Variants in SNTG1 observed in about 807,000 individuals in gnomAD.
The protein encoded by SNTG1 is syntrophin gamma 1.
In SNTG1, 39 loss-of-function variants were observed where a neutral mutation model predicts 74.7. The ratio of observed to expected loss-of-function variants is 0.52; its 90% CI spans 0.40 to 0.68. The LOEUF (loss-of-function observed/expected upper bound fraction) is 0.68. Ranked by LOEUF, SNTG1 falls within the 30% of genes least tolerant of loss-of-function variation. The pLI, the probability that SNTG1 is intolerant of heterozygous loss-of-function variation, is 0.00. For synonymous variants in SNTG1, 254 were observed against 217.1 expected, an observed-to-expected ratio of 1.17 and a Z score of -1.49; for missense variants, 685 against 609.5, an observed-to-expected ratio of 1.12 and a Z score of -1.30.
At chr8:50,605,905 A>G (rs1462209468) in intron 13 of SNTG1, among the ~76,000 whole-genome samples, 1 of 152,128 alleles carries the variant, frequency 6.6e-6, no homozygotes, top group African/African-American at 2.4e-5. Flanking sequence ...CCTTGATTCT[A>G]TTTATGTGAT....
chr8:49,929,694 C>T lies in SNTG1; in HGVS notation c.-103+17463C>T, dbSNP rs375832853. Reference sequence around the variant, plus strand: ...CGGATTTATGGTTGAGCAACTCAGCCCTTTGTTTTAGCTTATTTTTTTTTA... The same window carrying T: ...CGGATTTATGGTTGAGCAACTCAGCTCTTTGTTTTAGCTTATTTTTTTTTA... On this transcript the variant is annotated intron_variant, in intron 1 of 18. Coordinates refer to ENST00000642720, the MANE Select transcript of SNTG1 (RefSeq NM_018967.5). Among the ~76,000 whole-genome samples the T allele has an allele frequency of 1.4e-3, 213 of 151,946 alleles. 2 individuals are homozygous for T. Among genetic ancestry groups the T allele is most frequent in the African/African-American group, 4.8e-3 (199 of 41,316 alleles).
intron 2 of SNTG1, among the ~76,000 whole-genome samples, chr8:50,180,099 C>G (rs978428417): frequency 1.3e-5 from 2 of 152,100 alleles, no homozygotes; most frequent in African/African-American, 4.8e-5. Flanking sequence ...ACTATTCAGT[C>G]TTAAAAAAGG....
chr8:50,271,809 A>G (rs547835429), intron 2 of SNTG1, among the ~76,000 whole-genome samples: 31 of 152,298 alleles, frequency 2.0e-4, no homozygotes, highest in African/African-American at 7.0e-4. Context: ...TGGTGTTATG[A>G]TATGAATGCC....
At chr8:50,018,482 A>G (rs1183621110) in intron 1 of SNTG1, among the ~76,000 whole-genome samples, 1 of 152,006 alleles carries the variant, frequency 6.6e-6, no homozygotes, top group Non-Finnish European at 1.5e-5. Context: ...TTACTCAAAA[A>G]TCCACACAAA....
chr8:49,995,754 G>A (rs923722699), intron 1 of SNTG1, among the ~76,000 whole-genome samples: 10 of 152,192 alleles, frequency 6.6e-5, no homozygotes, highest in African/African-American at 2.4e-4. Context: ...GTGTCTGTGT[G>A]GGTCACCCTC....
At chr8:50,579,605 G>A (rs577781093) in intron 12 of SNTG1, among the ~76,000 whole-genome samples, 7 of 152,216 alleles carry the variant, frequency 4.6e-5, no homozygotes, top group East Asian at 3.9e-4. Flanking sequence ...GCCCTGCATC[G>A]CAGCTGCTCT....
intron 2 of SNTG1, among the ~76,000 whole-genome samples, chr8:50,266,005 A>G (rs1400926769): frequency 6.6e-6 from 1 of 151,992 alleles, no homozygotes; most frequent in Admixed American, 6.6e-5. Flanking sequence ...AAAAAGCTAT[A>G]CTTTACACAT....
In SNTG1 at chr8:50,349,438, T is replaced by C. The variant is rs544990230; in HGVS notation, c.-27-44774T>C. On this transcript the variant is annotated intron_variant, in intron 2 of 18. Transcript: ENST00000642720. The stretch of plus-strand genomic sequence containing the variant: ...ACAATGTGCAGGTTTGTTACAGAGG[T>C]ATACATGATCTATATATTTTCTATG... Among the ~76,000 whole-genome samples the C allele has an allele frequency of 5.3e-5, 8 of 152,318 alleles. No homozygotes were observed. In the East Asian group the frequency reaches 1.2e-3, roughly 22 times the overall value.
At chr8:49,984,048 T>TTATC (rs1203322741) in intron 1 of SNTG1, among the ~76,000 whole-genome samples, 1 of 152,196 alleles carries the variant, frequency 6.6e-6, no homozygotes, top group African/African-American at 2.4e-5. Context: ...TTGTGACATT[T>TTATC]TATCTTTCAA....
intron 15 of SNTG1, among the ~76,000 whole-genome samples, chr8:50,679,912 A>T (rs531793113): frequency 1.3e-5 from 2 of 152,180 alleles, no homozygotes; most frequent in Non-Finnish European, 2.9e-5. Flanking sequence ...CAAGATCAGA[A>T]ATAAGGCTAC....
intron 2 of SNTG1, among the ~76,000 whole-genome samples, chr8:50,280,599 G>T (rs1027189507): frequency 6.6e-6 from 1 of 152,160 alleles, no homozygotes; most frequent in Non-Finnish European, 1.5e-5. Flanking sequence ...GTCTGAAAAG[G>T]TGGGACAACT....
intron 2 of SNTG1, among the ~76,000 whole-genome samples, chr8:50,326,745 A>T (rs1418168530): frequency 6.7e-6 from 1 of 148,902 alleles, no homozygotes; most frequent in Non-Finnish European, 1.5e-5. Context: ...AATTTCATTT[A>T]CTCTTATTTT....
intron 13 of SNTG1, among the ~76,000 whole-genome samples, chr8:50,638,139 A>T (rs552444052): frequency 4.2e-4 from 64 of 152,234 alleles, no homozygotes; most frequent in South Asian, 1.5e-3. Flanking sequence ...CCATGCTATA[A>T]GGAGTGCATG....
chr8:49,933,485 T>G (rs1415666655), intron 1 of SNTG1, among the ~76,000 whole-genome samples: 3 of 152,206 alleles, frequency 2.0e-5, no homozygotes, highest in African/African-American at 7.2e-5. Context: ...TGGTCCGTTT[T>G]GAGCAAACTT....
chr8:50,713,349 G>A (rs181799628), intron 17 of SNTG1, among the ~76,000 whole-genome samples: 1 of 152,014 alleles, frequency 6.6e-6, no homozygotes, highest in African/African-American at 2.4e-5. Context: ...TGATGGGGTT[G>A]TTTGTTTTTT....
chr8:49,970,988 A>C (rs956837021), intron 1 of SNTG1, among the ~76,000 whole-genome samples: 1 of 152,196 alleles, frequency 6.6e-6, no homozygotes, highest in Admixed American at 6.5e-5. Flanking sequence ...CAATCAATAG[A>C]AAAAGAGGGA....
intron 4 of SNTG1, among the ~76,000 whole-genome samples, chr8:50,407,124 G>A (rs1263398256): frequency 4.6e-5 from 7 of 152,092 alleles, no homozygotes; most frequent in South Asian, 2.1e-4. Flanking sequence ...CCATGTGCTC[G>A]CTGGACAGGG....
At chr8:50,094,224 TATTGTGCTAAGGGA>T (rs1206668588) in intron 1 of SNTG1, among the ~76,000 whole-genome samples, 1 of 151,906 alleles carries the variant, frequency 6.6e-6, no homozygotes, top group African/African-American at 2.4e-5. Context: ...AATGAGAGAT[TATTGTGCTAAGGGA>T]AAGAAGATGG....
chr8:50,553,109 T>C lies in SNTG1; in HGVS notation c.740T>C (p.Leu247Pro), dbSNP rs747122969. 5.6e-6 allele frequency: 9 copies of C among 1,613,810 alleles called. No homozygotes were observed. The highest frequency in any genetic ancestry group is 6.8e-6 in the Non-Finnish European group (8 of 1,179,872). ...GTCTGCACTGGGATTATTCAGTGCC[T>C]CTCTGCTGAAGACTGCGTTGACTGG... ...DGVCTGIIQC[L>P]SAEDCVDWLQ... Residue 247 changes from leucine to proline, a missense_variant, in exon 12 of 19, where the codon CTC becomes CCC. Leu to Pro is a moderately conservative substitution (Grantham distance 98). Transcript: ENST00000642720.
Sources: gnomAD v4.1 joint callset for allele counts (sites outside exome capture counted in the v4.1 genomes callset) on GRCh38, gnomAD v4.1.1 for gene constraint, MANE v1.5 for transcripts, NCBI Gene and HGNC (gene_info 2026-07-23, HGNC 2026-07-21) for gene names.